ABCC12: variants seen among roughly 807,000 people sequenced by gnomAD.
The protein encoded by ABCC12 is ATP binding cassette subfamily C member 12.
Under a neutral mutation model 151.1 loss-of-function variants are expected in ABCC12, and 142 were observed. The observed-to-expected ratio is 0.94, with a 90% CI of 0.82 to 1.08. The LOEUF is 1.08. Ranked by LOEUF, ABCC12 falls within the 50% of genes least tolerant of loss-of-function variation. The pLI, the probability that ABCC12 is intolerant of heterozygous loss-of-function variation, is 0.00. For missense variants in ABCC12, 1,638 were observed against 1,691.1 expected (o/e 0.97, Z 0.55); for synonymous variants, 645 against 646.4 (o/e 1.00, Z 0.03).
intron 21 of ABCC12, among the ~76,000 whole-genome samples, chr16:48,104,935 AG>A (rs1963436117): frequency 6.6e-6 from 1 of 152,142 alleles, no homozygotes; most frequent in African/African-American, 2.4e-5. Context: ...GCCCAGACTC[AG>A]GGCTGATCCA....
chr16:48,141,089 G>T, intron 5 of ABCC12, 117 bp downstream of exon 5: 1 of 1,453,146 alleles, frequency 6.9e-7, no homozygotes, highest in Non-Finnish European at 9.2e-7. Context: ...TCGCCCCCAA[G>T]GAGCGCAAAG....
At chr16:48,130,274 G>A (rs192094117) in intron 10 of ABCC12, among the ~76,000 whole-genome samples, 3 of 152,308 alleles carry the variant, frequency 2.0e-5, no homozygotes, top group Admixed American at 6.5e-5. Flanking sequence ...CTGGAACAGA[G>A]GCTCTTGAGG....
rs1229885091 is a variant in ABCC12 at position 48,091,226 on chromosome 16, A to G, written c.3196-17T>C. 1 of 1,613,062 alleles carries G rather than the reference A, an allele frequency of 6.2e-7. No homozygotes were observed. Among genetic ancestry groups the G allele is most frequent in the South Asian group, 1.1e-5 (1 of 91,064 alleles). ...TCCGCTCAGCTGTTGAAAAGGAGCG[A>G]GCAGCCGCAGTTAGAGCCCCTTCCT... is the stretch of plus-strand genomic sequence containing the variant. On this transcript the variant is annotated splice_polypyrimidine_tract_variant and intron_variant, in intron 24 of 30. Transcript: ENST00000311303.
intron 19 of ABCC12, among the ~76,000 whole-genome samples, chr16:48,107,739 C>T (rs757858628): frequency 1.3e-5 from 2 of 152,220 alleles, no homozygotes; most frequent in Non-Finnish European, 2.9e-5. Flanking sequence ...TGGTGGTTCA[C>T]GCCTGTAATC....
rs1039502513 is a variant in ABCC12 at position 48,081,458 on chromosome 16, C to T, written c.*2257G>A. 5.9e-5 allele frequency among the ~76,000 whole-genome samples: 9 copies of T among 152,106 alleles called. No homozygotes were observed. The highest frequency in any genetic ancestry group is 2.6e-4 in the Admixed American group (4 of 15,270). ...CTTGCAACAGGCCAAGGGGAAAGGA[C>T]TGGAGGGGCTTTGTTGTGAAGGGGT... is the stretch of plus-strand genomic sequence containing the variant. On this transcript the variant is annotated 3_prime_UTR_variant, in exon 31 of 31. Coordinates refer to ENST00000311303, the MANE Select transcript of ABCC12 (RefSeq NM_001393797.1).
chr16:48,134,887 C>T (rs1964553508), intron 8 of ABCC12, among the ~76,000 whole-genome samples: 1 of 151,960 alleles, frequency 6.6e-6, no homozygotes, highest in Non-Finnish European at 1.5e-5. Flanking sequence ...CCCGTCTCTA[C>T]TAAATATACA....
rs1229239876 is a variant in ABCC12, at chr16:48,141,433, G to C, written c.276-80C>G. 7 of 1,562,094 alleles carry C rather than the reference G, an allele frequency of 4.5e-6. No individual in the cohort carries two copies. The African/African-American group carries it at 9.5e-5, about 21-fold the overall frequency. On this transcript the variant is annotated intron_variant, in intron 4 of 30. Transcript: ENST00000311303. ...AAGCTACGCTGTTGGGCATGCTCTTGCAAGGGTGCTCGGCAGAGCCCCCCT... is the reference window on the plus strand; with the variant it reads ...AAGCTACGCTGTTGGGCATGCTCTTCCAAGGGTGCTCGGCAGAGCCCCCCT...
In ABCC12 at chr16:48,081,332, G is replaced by A. The variant is rs1343004233; in HGVS notation, c.*2383C>T. On this transcript the variant is annotated 3_prime_UTR_variant, in exon 31 of 31. Coordinates refer to ENST00000311303, the MANE Select transcript of ABCC12 (RefSeq NM_001393797.1). ...CAGTGATAGCAAGGGGTTGGGGTGG[G>A]AGAGGGGTTTGCTAAGATGGTTTCG... 1.3e-5 allele frequency among the ~76,000 whole-genome samples: 2 copies of A among 152,196 alleles called. No homozygotes were observed. The highest frequency in any genetic ancestry group is 4.8e-5 in the African/African-American group (2 of 41,448).
intron 8 of ABCC12, among the ~76,000 whole-genome samples, chr16:48,137,538 G>A (rs1410954408): frequency 2.0e-5 from 3 of 152,124 alleles, no homozygotes; most frequent in South Asian, 2.1e-4. Context: ...TCAGAAGCAG[G>A]TTCTCTACAG....
chr16:48,108,449 C>T lies in ABCC12; in HGVS notation c.2362G>A (p.Ala788Thr). ...TTGTTTTATACTGAACCTCCAGAAG[C>T]CTTAATGTACGTGTGATATGTTTTC... Reference protein sequence around the residue: ...TWKTYHTYIKASGGYLLSLFT... With the variant: ...TWKTYHTYIKTSGGYLLSLFT... Residue 788 changes from alanine to threonine, a missense_variant, in exon 19 of 31, where the codon GCT becomes ACT. By Grantham distance (58) the Ala-to-Thr change is moderately conservative (BLOSUM62 0). Transcript: ENST00000311303. 6.2e-7 allele frequency: 1 copy of T among 1,613,864 alleles called. No individual in the cohort carries two copies.
chr16:48,123,181 C>CA (rs1964128864), intron 12 of ABCC12, among the ~76,000 whole-genome samples: 1 of 152,196 alleles, frequency 6.6e-6, no homozygotes, highest in Non-Finnish European at 1.5e-5. Flanking sequence ...CTGGCTGTGA[C>CA]ATGATGAGCT....
chr16:48,090,785 T>C (rs1386429400), intron 25 of ABCC12, among the ~76,000 whole-genome samples: 2 of 152,176 alleles, frequency 1.3e-5, no homozygotes, highest in East Asian at 3.8e-4. Flanking sequence ...TGGAGGGCAA[T>C]GGCACGATCT....
chr16:48,106,902 T>C (rs1017112703), intron 20 of ABCC12, among the ~76,000 whole-genome samples: 4 of 152,132 alleles, frequency 2.6e-5, no homozygotes, highest in African/African-American at 9.7e-5. Context: ...AGAGACAACT[T>C]TGGGGAGCAG....
Position 48,104,188 on chromosome 16 carries a change from G to T in ABCC12, c.2854C>A (p.Leu952Ile), listed in dbSNP as rs370090256. ...VILAAVFPAV[L>I]LVVASLAVGF... ...ACAGCAAGGCTGGCCACGACTAAAA[G>T]GACAGCAGGAAACACAGCAGCCAAG... Residue 952 changes from leucine (L) to isoleucine (I), a missense_variant, in exon 22 of 31, where the codon CTT (leucine) becomes ATT (isoleucine). Physicochemically the swap from Leu to Ile is conservative, Grantham distance 5. Coordinates refer to ENST00000311303, the MANE Select transcript of ABCC12 (RefSeq NM_001393797.1). 1 of 1,614,160 alleles carries T rather than the reference G, an allele frequency of 6.2e-7. No homozygotes were observed. Among genetic ancestry groups the T allele is most frequent in the Admixed American group, 1.7e-5 (1 of 60,016 alleles).
intron 11 of ABCC12, among the ~76,000 whole-genome samples, chr16:48,127,913 A>G (rs1964293382): frequency 6.6e-6 from 1 of 152,160 alleles, no homozygotes; most frequent in Admixed American, 6.5e-5. Context: ...AAAATAAAAT[A>G]AAATTTAATT....
At chr16:48,088,815 C>T (rs959541952) in intron 25 of ABCC12, 81 bp from the exon 26 acceptor site, 10 of 1,264,456 alleles carry the variant, frequency 7.9e-6, no homozygotes, top group Non-Finnish European at 1.0e-5. Context: ...TTGATTCACA[C>T]AGTTTCAGGT....
At position 48,141,192 on chromosome 16, in the gene ABCC12, G is replaced by GA; in HGVS notation, c.423+13_423+14insT. On this transcript the variant is annotated intron_variant, in intron 5 of 30. Transcript: ENST00000311303. ...GGGACCTAGCAGATGAGGAGGAAGG[G>GA]CTGCCGCACTCACCGGCCCTATGGC... The GA allele has an allele frequency of 6.2e-7, 1 of 1,611,596 alleles. No homozygotes were observed. Among genetic ancestry groups the GA allele is most frequent in the Non-Finnish European group, 8.5e-7 (1 of 1,178,006 alleles).
chr16:48,099,093 C>T (rs1206193438), intron 23 of ABCC12, among the ~76,000 whole-genome samples: 2 of 152,050 alleles, frequency 1.3e-5, no homozygotes, highest in East Asian at 1.9e-4. Context: ...ATGGAGGGGG[C>T]GTGAGAGAGA....
At chr16:48,100,770 G>A (rs1963276085) in intron 23 of ABCC12, 102 bp downstream of exon 23, 1 of 1,383,464 alleles carries the variant, frequency 7.2e-7, no homozygotes, top group African/African-American at 1.5e-5. Context: ...CTTTGTCTGT[G>A]ATCAGTCCCC....
Sources: allele counts gnomAD v4.1 joint callset (sites outside exome capture counted in the v4.1 genomes callset), GRCh38; gene constraint gnomAD v4.1.1; transcripts MANE v1.5; gene names NCBI Gene and HGNC (gene_info 2026-07-23, HGNC 2026-07-21).